Variants in LRCH3 observed in about 807,000 individuals in gnomAD.
LRCH3 encodes DISP complex protein LRCH3.
A neutral mutation model predicts 104.5 loss-of-function variants in LRCH3; 68 were observed. The ratio of observed to expected loss-of-function variants is 0.65; its 90% CI spans 0.54 to 0.80. LRCH3 has a LOEUF of 0.80. Ranked by LOEUF, LRCH3 falls within the 30% of genes least tolerant of loss-of-function variation. The pLI, the probability that LRCH3 is intolerant of heterozygous loss-of-function variation, is 0.00. For missense variants in LRCH3, 951 were observed against 953.9 expected, an observed-to-expected ratio of 1.00 and a Z score of 0.04; for synonymous variants, 344 against 361.3, an observed-to-expected ratio of 0.95 and a Z score of 0.54.
At position 197,791,512 on chromosome 3, in the gene LRCH3, C is replaced by G. The variant is rs1455458475; in HGVS notation, c.234C>G (p.Asn78Lys). 1 of 1,597,844 alleles carries G rather than the reference C, an allele frequency of 6.3e-7. No individual in the cohort carries two copies. Among genetic ancestry groups the G allele is most frequent in the Non-Finnish European group, 8.5e-7 (1 of 1,174,276 alleles). Residue 78 changes from asparagine (N) to lysine (K), a missense_variant, in exon 1 of 21, where the codon AAC (asparagine) becomes AAG (lysine). Physicochemically the swap from Asn to Lys is moderately conservative, Grantham distance 94. Coordinates refer to ENST00000425562, the MANE Select transcript of LRCH3 (RefSeq NM_001365715.1). Reference sequence around the variant, plus strand: ...GGGAGTTTCCCCGGGGAGCGGCCAACCACGACCTGACGGACACCACCCGGG... The same window carrying G: ...GGGAGTTTCCCCGGGGAGCGGCCAAGCACGACCTGACGGACACCACCCGGG... ...KLREFPRGAA[N>K]HDLTDTTRAD...
In LRCH3 at chr3:197,870,286, C is replaced by T. The variant is rs776065566; in HGVS notation, c.1992+8C>T. On this transcript the variant is annotated splice_region_variant and intron_variant, in intron 18 of 20. Coordinates refer to ENST00000425562, the MANE Select transcript of LRCH3 (RefSeq NM_001365715.1). ...ATAGACCAACTGCGTAAAGTATGTA[C>T]ATTACCTTTGATTTACACTTTTTCA... 5 of 1,610,230 alleles carry T rather than the reference C, an allele frequency of 3.1e-6. No individual in the cohort carries two copies. In the Admixed American group the frequency reaches 5.0e-5, roughly 16 times the overall value.
chr3:197,838,440 GGTAGATGCTATTTCTTGGAA>G (rs1051641509), intron 9 of LRCH3, among the ~76,000 whole-genome samples: 19 of 141,260 alleles, frequency 1.3e-4, no homozygotes, highest in Middle Eastern at 3.6e-3. Flanking sequence ...GTTTCTTGGA[GGTAGATGCTATTTCTTGGAA>G]GTAGATGGTA....
intron 17 of LRCH3, among the ~76,000 whole-genome samples, chr3:197,868,187 T>C (rs988753861): frequency 2.0e-5 from 3 of 152,176 alleles, no homozygotes; most frequent in Non-Finnish European, 4.4e-5. Context: ...ATTTATGGAT[T>C]CAACCAGTCA....
intron 4 of LRCH3, among the ~76,000 whole-genome samples, chr3:197,825,464 A>ATT (rs58237989): frequency 0.013 from 258 of 20,076 alleles, 93 homozygotes; most frequent in African/African-American, 0.017. Flanking sequence ...ATCCTCTTTG[A>ATT]TTTTTTTTTT....
intron 17 of LRCH3, among the ~76,000 whole-genome samples, chr3:197,866,713 G>C (rs2109496763): frequency 6.6e-6 from 1 of 152,264 alleles, no homozygotes; most frequent in South Asian, 2.1e-4. Context: ...CCAGCTACTT[G>C]GGAAGCTGGC....
intron 8 of LRCH3, 87 bp downstream of exon 8, chr3:197,832,404 T>C: frequency 7.1e-7 from 1 of 1,398,866 alleles, no homozygotes; most frequent in South Asian, 1.3e-5. Context: ...CTTTTGTTGG[T>C]GTATCTATAG....
intron 19 of LRCH3, among the ~76,000 whole-genome samples, chr3:197,873,839 G>C (rs1712534089): frequency 2.0e-5 from 3 of 152,032 alleles, no homozygotes. Flanking sequence ...TGGCCAACAT[G>C]ATGAAACCCC....
rs1738997477 is a variant in LRCH3 at position 197,847,931 on chromosome 3, G to C, written c.1440G>C (p.Arg480=). 2 of 1,614,108 alleles carry C rather than the reference G, an allele frequency of 1.2e-6. No homozygotes were observed. Among genetic ancestry groups the C allele is most frequent in the South Asian group, 1.1e-5 (1 of 91,080 alleles). The change falls in exon 12 of 21, where the codon CGG becomes CGC. Residue 480 remains arginine, a synonymous_variant. Coordinates refer to ENST00000425562, the MANE Select transcript of LRCH3 (RefSeq NM_001365715.1). ...GGGAGCAGTTAGTAGAGCGCACTCGGAGAGAGGCTCAGCTTGCTGCCCTGC... is the reference window on the plus strand; with the variant it reads ...GGGAGCAGTTAGTAGAGCGCACTCGCAGAGAGGCTCAGCTTGCTGCCCTGC... ...QRREQLVERT[R]REAQLAALQY...
intron 19 of LRCH3, among the ~76,000 whole-genome samples, chr3:197,872,425 G>A (rs1712323212): frequency 6.6e-6 from 1 of 151,404 alleles, no homozygotes; most frequent in South Asian, 2.1e-4. Flanking sequence ...AAAAATTAAA[G>A]GTGGTACACT....
chr3:197,794,556 C>T (rs1239443082), intron 1 of LRCH3, among the ~76,000 whole-genome samples: 1 of 152,186 alleles, frequency 6.6e-6, no homozygotes, highest in African/African-American at 2.4e-5. Flanking sequence ...GCCTTGCATA[C>T]TGTTTTTTCA....
chr3:197,870,694 T>G (rs564857331), intron 18 of LRCH3, among the ~76,000 whole-genome samples: 3 of 147,572 alleles, frequency 2.0e-5, no homozygotes, highest in South Asian at 2.2e-4. Flanking sequence ...GTGCTGGGAT[T>G]GCAGGCGTGA....
chr3:197,792,577 T>TCATATATATATATATATATA (rs1730660774), intron 1 of LRCH3, among the ~76,000 whole-genome samples: 1 of 20,330 alleles, frequency 4.9e-5, no homozygotes, highest in Admixed American at 8.8e-4. Flanking sequence ...CCAGCTAATT[T>TCATATATATATATATATATA]TATATATATA....
chr3:197,848,234 A>G (rs1739052359), intron 12 of LRCH3: 1 of 509,254 alleles, frequency 2.0e-6, no homozygotes. Context: ...GTCATTGGAC[A>G]TGTCACTTTA....
At chr3:197,831,028 C>T (rs1178433365) in intron 7 of LRCH3, 165 bp downstream of exon 7, 6 of 548,544 alleles carry the variant, frequency 1.1e-5, no homozygotes, top group African/African-American at 5.8e-5. Context: ...TGGCATTCTG[C>T]GTCCTTACCG....
At chr3:197,842,129 C>T (rs914260646) in intron 10 of LRCH3, among the ~76,000 whole-genome samples, 12 of 152,150 alleles carry the variant, frequency 7.9e-5, no homozygotes, top group African/African-American at 2.4e-4. Context: ...TGAGCCACTG[C>T]ACCCAGCCAT....
chr3:197,880,551 C>T (rs1468714255), intron 20 of LRCH3: 3 of 1,536,256 alleles, frequency 2.0e-6, no homozygotes, highest in Admixed American at 2.0e-5. Flanking sequence ...TCAGCTAAAC[C>T]TCAGCGTTAA....
chr3:197,843,066 C>T (rs1365609383), intron 10 of LRCH3, among the ~76,000 whole-genome samples: 1 of 135,636 alleles, frequency 7.4e-6, no homozygotes, highest in Non-Finnish European at 1.5e-5. Flanking sequence ...GCCTGGGTGA[C>T]AGAGCAAGAC....
chr3:197,836,117 C>T (rs1009967818), intron 9 of LRCH3, among the ~76,000 whole-genome samples: 6 of 152,156 alleles, frequency 3.9e-5, no homozygotes, highest in African/African-American at 1.4e-4. Flanking sequence ...AAGAAAAATA[C>T]AGTGATGCTT....
At chr3:197,872,703 A>G (rs892362325) in intron 19 of LRCH3, among the ~76,000 whole-genome samples, 2 of 152,114 alleles carry the variant, frequency 1.3e-5, no homozygotes, top group Non-Finnish European at 2.9e-5. Flanking sequence ...CTAAAAATAC[A>G]AAATTAGCCA....
Sources: allele counts gnomAD v4.1 joint callset (sites outside exome capture counted in the v4.1 genomes callset), GRCh38; gene constraint gnomAD v4.1.1; transcripts MANE v1.5; gene names NCBI Gene and HGNC (gene_info 2026-07-23, HGNC 2026-07-21).